Variants in TLE1 observed in about 807,000 individuals in gnomAD.
TLE1 encodes the protein TLE family member 1, transcriptional corepressor, also known as transducin-like enhancer protein 1.
TLE1 carries 21 observed loss-of-function variants against 89.8 expected under a neutral mutation model. That is an observed-to-expected ratio of 0.23 (90% CI 0.17 to 0.34). The LOEUF (loss-of-function observed/expected upper bound fraction) is 0.34. Among genes scored for constraint, TLE1 ranks in the 10% least tolerant of loss-of-function variants. The pLI is 1.00. For synonymous variants in TLE1, 447 were observed against 407.6 expected (o/e 1.10, Z -1.16); for missense variants, 795 against 1,031.2 (o/e 0.77, Z 3.14).
intron 6 of TLE1, among the ~76,000 whole-genome samples, chr9:81,637,642 T>C (rs1172159306): frequency 1.1e-5 from 1 of 93,140 alleles, no homozygotes; most frequent in Non-Finnish European, 2.4e-5. Flanking sequence ...CAATGAAAGT[T>C]TCTTTTTTTT....
chr9:81,613,570 T>C (rs774789533), intron 11 of TLE1, 49 bp from the exon 12 acceptor site: 12 of 1,598,286 alleles, frequency 7.5e-6, no homozygotes, highest in Non-Finnish European at 1.0e-5. Flanking sequence ...ATCCAAGCCA[T>C]ATTACACAAT....
chr9:81,685,248 T>C (rs1448325670), intron 4 of TLE1, among the ~76,000 whole-genome samples: 1 of 152,122 alleles, frequency 6.6e-6, no homozygotes. Context: ...ATACCTTGAT[T>C]ACCACGATTA....
chr9:81,627,854 C>T (rs1563991240), intron 8 of TLE1, among the ~76,000 whole-genome samples: 1 of 152,124 alleles, frequency 6.6e-6, no homozygotes, highest in African/African-American at 2.4e-5. Flanking sequence ...TGAGAACCAT[C>T]AGTAACTGCC....
intron 14 of TLE1, among the ~76,000 whole-genome samples, chr9:81,597,176 T>C (rs546361334): frequency 6.6e-6 from 1 of 152,072 alleles, no homozygotes; most frequent in Non-Finnish European, 1.5e-5. Context: ...CAGGGGTTGC[T>C]GTAAGGATTA....
intron 14 of TLE1, among the ~76,000 whole-genome samples, chr9:81,594,830 C>T (rs1031152271): frequency 2.6e-5 from 4 of 152,070 alleles, no homozygotes; most frequent in African/African-American, 4.8e-5. Flanking sequence ...AACTGAAAAC[C>T]GATTATGCCA....
At chr9:81,602,874 A>G (rs1427293887) in intron 14 of TLE1, among the ~76,000 whole-genome samples, 1 of 152,188 alleles carries the variant, frequency 6.6e-6, no homozygotes, top group East Asian at 1.9e-4. Context: ...ATCTAACACT[A>G]AAGTTTGGGC....
chr9:81,680,346 G>A (rs1833455926), intron 4 of TLE1, among the ~76,000 whole-genome samples: 1 of 152,208 alleles, frequency 6.6e-6, no homozygotes, highest in Non-Finnish European at 1.5e-5. Flanking sequence ...CAAGGGAGGT[G>A]CTGTGGCCCT....
intron 4 of TLE1, among the ~76,000 whole-genome samples, chr9:81,654,527 G>A (rs1295774599): frequency 1.3e-5 from 2 of 152,122 alleles, no homozygotes; most frequent in Non-Finnish European, 2.9e-5. Context: ...ATTTTTAGTA[G>A]AGGTGGGGTT....
chr9:81,680,929 T>TA (rs550412372), intron 4 of TLE1, among the ~76,000 whole-genome samples: 13,049 of 136,012 alleles, frequency 0.096, 772 homozygotes, highest in Non-Finnish European at 0.13. Flanking sequence ...CACACAGGGT[T>TA]AAAAAAAAAA....
rs1182144780 is a variant in TLE1, at chr9:81,689,505, T to C, written c.-1265A>G. 1.3e-5 allele frequency among the ~76,000 whole-genome samples: 2 copies of C among 151,894 alleles called. No individual in the cohort carries two copies. Among genetic ancestry groups the C allele is most frequent in the African/African-American group, 2.4e-5 (1 of 41,356 alleles). ...CTGCTGCTGCTTCTGCAGCCGCCGC[T>C]CCCACCGCCGCCGCCGCCCGCGCCT... is the stretch of plus-strand genomic sequence containing the variant. On this transcript the variant is annotated 5_prime_UTR_variant, in exon 1 of 20. Transcript: ENST00000376499.
intron 8 of TLE1, among the ~76,000 whole-genome samples, chr9:81,624,874 G>A (rs1274052054): frequency 6.6e-6 from 1 of 151,964 alleles, no homozygotes; most frequent in Non-Finnish European, 1.5e-5. Flanking sequence ...TACAAACCTG[G>A]GCAAATCAGC....
At position 81,593,266 on chromosome 9, in the gene TLE1, G is replaced by A; in HGVS notation, c.1340C>T (p.Ser447Phe). The part of the protein sequence containing the change: ...AGIPGGKPAY[S>F]FHVTADGQMQ... Reference sequence around the variant, plus strand: ...CTGACCGTCTGCAGTAACGTGGAAGGAGTATGCACTTTTGGAAAAACGATT... The same window carrying A: ...CTGACCGTCTGCAGTAACGTGGAAGAAGTATGCACTTTTGGAAAAACGATT... Residue 447 changes from serine to phenylalanine, a missense_variant, in exon 15 of 20, where the codon TCC (serine) becomes TTC (phenylalanine). Ser to Phe is a radical substitution (Grantham distance 155). This residue lies in a region of TLE1 where 468 missense variants were observed against 509.1 expected (regional missense o/e 0.92). Coordinates refer to ENST00000376499, the MANE Select transcript of TLE1 (RefSeq NM_005077.5). The A allele has an allele frequency of 1.2e-6, 2 of 1,606,428 alleles. No homozygotes were observed. The highest frequency in any genetic ancestry group is 1.7e-6 in the Non-Finnish European group (2 of 1,173,536).
Position 81,644,671 on chromosome 9 carries a change from C to T in TLE1, c.372+7543G>A, listed in dbSNP as rs544155725. ...ATGGTTGTACAGCAATGTGAATACG[C>T]TAAAAACCACAGAAGTGTATGCTTT... On this transcript the variant is annotated intron_variant, in intron 6 of 19. Coordinates refer to ENST00000376499, the MANE Select transcript of TLE1 (RefSeq NM_005077.5). Among the ~76,000 whole-genome samples the T allele has an allele frequency of 2.0e-5, 3 of 152,178 alleles. No homozygotes were observed. In the South Asian group the frequency reaches 6.2e-4, roughly 32 times the overall value.
chr9:81,659,498 A>T (rs1830518021), intron 4 of TLE1, among the ~76,000 whole-genome samples: 1 of 152,108 alleles, frequency 6.6e-6, no homozygotes. Flanking sequence ...CCACAAACCA[A>T]ATCTGCATGA....
At chr9:81,615,057 G>A (rs1427031927) in intron 11 of TLE1, among the ~76,000 whole-genome samples, 2 of 115,202 alleles carry the variant, frequency 1.7e-5, no homozygotes, top group African/African-American at 6.9e-5. Flanking sequence ...ACTCCAGCCT[G>A]GGTGACAGAG....
intron 4 of TLE1, among the ~76,000 whole-genome samples, chr9:81,681,258 C>T (rs752529783): frequency 2.0e-5 from 3 of 152,112 alleles, no homozygotes; most frequent in African/African-American, 7.2e-5. Flanking sequence ...TTTTTAAATG[C>T]TTCACCATCG....
At chr9:81,636,805 C>T (rs1037427936) in intron 6 of TLE1, among the ~76,000 whole-genome samples, 2 of 143,394 alleles carry the variant, frequency 1.4e-5, no homozygotes, top group Admixed American at 7.3e-5. Flanking sequence ...GAGTTCAAGA[C>T]CAGCCTGGCC....
chr9:81,652,620 CA>C (rs1259325427), intron 5 of TLE1, among the ~76,000 whole-genome samples: 4 of 152,060 alleles, frequency 2.6e-5, no homozygotes, highest in African/African-American at 9.7e-5. Flanking sequence ...CCCTTGTTCA[CA>C]AAAGGGGTTC....
intron 11 of TLE1, 132 bp downstream of exon 11, chr9:81,615,850 G>T: frequency 1.7e-6 from 2 of 1,155,240 alleles, no homozygotes; most frequent in Non-Finnish European, 2.5e-6. Context: ...AGAAGGATGA[G>T]TTTCACTATT....
Sources: allele counts gnomAD v4.1 joint callset (sites outside exome capture counted in the v4.1 genomes callset), GRCh38; gene constraint gnomAD v4.1.1; regional missense constraint gnomAD v4.1.1; transcripts MANE v1.5; gene names NCBI Gene and HGNC (gene_info 2026-07-23, HGNC 2026-07-21).